PKIA: variants seen among roughly 807,000 people sequenced by gnomAD.
PKIA encodes PKI-alpha.
In PKIA, 4 loss-of-function variants were observed where a neutral mutation model predicts 7.6. The observed-to-expected ratio is 0.52, with a 90% CI of 0.26 to 1.20. The LOEUF (loss-of-function observed/expected upper bound fraction) is 1.20. Ranked by LOEUF, PKIA falls within the 50% of genes most tolerant of loss-of-function variation. The pLI is 0.13. For synonymous variants in PKIA, 21 were observed against 30.7 expected (o/e 0.68, Z 1.04); for missense variants, 73 against 86.2 (o/e 0.85, Z 0.61).
chr8:78,578,288 A>C (rs1807724434), intron 2 of PKIA, among the ~76,000 whole-genome samples: 1 of 151,990 alleles, frequency 6.6e-6, no homozygotes, highest in African/African-American at 2.4e-5. Flanking sequence ...GCCTATTTTT[A>C]AAATCTATTT....
At chr8:78,523,893 CATATTT>C (rs1471408426) in intron 1 of PKIA, among the ~76,000 whole-genome samples, 1 of 138,242 alleles carries the variant, frequency 7.2e-6, no homozygotes, top group Non-Finnish European at 1.5e-5. Context: ...AATATTTATA[CATATTT>C]ATATTTATAC....
intron 1 of PKIA, among the ~76,000 whole-genome samples, chr8:78,540,876 T>G (rs2118411135): frequency 6.6e-6 from 1 of 152,154 alleles, no homozygotes; most frequent in African/African-American, 2.4e-5. Flanking sequence ...CCTATATAAC[T>G]TTAATCTATT....
At chr8:78,595,904 T>G (rs1808216153) in intron 2 of PKIA, among the ~76,000 whole-genome samples, 1 of 152,214 alleles carries the variant, frequency 6.6e-6, no homozygotes. Flanking sequence ...ATGTGATTGC[T>G]GGGTCTAATG....
intron 2 of PKIA, among the ~76,000 whole-genome samples, chr8:78,582,829 T>C (rs16905809): frequency 0.013 from 2,016 of 152,248 alleles, 43 homozygotes; most frequent in African/African-American, 0.047. Flanking sequence ...AAGAGGGCGA[T>C]GATAAAGCAG....
intron 2 of PKIA, among the ~76,000 whole-genome samples, chr8:78,594,468 C>T (rs1291348886): frequency 6.6e-6 from 1 of 152,048 alleles, no homozygotes; most frequent in African/African-American, 2.4e-5. Context: ...GCTTGAAAGG[C>T]CTTTGAGAAA....
At position 78,605,102 on chromosome 8, in the gene PKIA, G is replaced by C. The variant is rs756343766; in HGVS notation, c.*3281G>C. 38 of 152,040 alleles carry C rather than the reference G, an allele frequency of 2.5e-4. No homozygotes were observed. Among genetic ancestry groups the C allele is most frequent in the Admixed American group, 8.5e-4 (13 of 15,236 alleles). The allele number at this position is 152,040 out of a possible 1,614,324, so 9.4% of individuals were successfully genotyped here. A position where few individuals can be genotyped will look rare whatever the true frequency, so the allele number is the denominator to read the frequency against. On this transcript the variant is annotated 3_prime_UTR_variant, in exon 4 of 4. Coordinates refer to ENST00000396418, the MANE Select transcript of PKIA (RefSeq NM_006823.4). Reference sequence around the variant, plus strand: ...AATGTGTAGTCATCAAGTGAAAATAGGAAAGGATCTATGATTTATGATGTC... The same window carrying C: ...AATGTGTAGTCATCAAGTGAAAATACGAAAGGATCTATGATTTATGATGTC...
At chr8:78,598,109 AATATTAAT>A (rs1411472128) in intron 2 of PKIA, among the ~76,000 whole-genome samples, 14 of 148,204 alleles carry the variant, frequency 9.4e-5, no homozygotes, top group African/African-American at 3.2e-4. Flanking sequence ...TATTACATTT[AATATTAAT>A]ATATTAATAT....
intron 2 of PKIA, among the ~76,000 whole-genome samples, chr8:78,596,728 A>G (rs372486417): frequency 2.6e-5 from 4 of 152,324 alleles, no homozygotes; most frequent in South Asian, 2.1e-4. Flanking sequence ...AGTCTTTGAC[A>G]TAAATTATTT....
At chr8:78,577,939 T>G (rs955775167) in intron 2 of PKIA, among the ~76,000 whole-genome samples, 2 of 151,974 alleles carry the variant, frequency 1.3e-5, no homozygotes, top group Non-Finnish European at 2.9e-5. Context: ...TATCTCTTAC[T>G]TTTTCCCCCT....
intron 2 of PKIA, among the ~76,000 whole-genome samples, chr8:78,573,396 C>G (rs1248683850): frequency 6.6e-6 from 1 of 151,908 alleles, no homozygotes; most frequent in Non-Finnish European, 1.5e-5. Context: ...CACTTCTCAT[C>G]TTGGTCTTGG....
chr8:78,530,601 T>C (rs1275759742), intron 1 of PKIA, among the ~76,000 whole-genome samples: 1 of 152,070 alleles, frequency 6.6e-6, no homozygotes, highest in Non-Finnish European at 1.5e-5. Context: ...AGAGTTGCAT[T>C]GCTTAAAAAA....
At chr8:78,541,943 G>A (rs1246432318) in intron 1 of PKIA, among the ~76,000 whole-genome samples, 2 of 151,956 alleles carry the variant, frequency 1.3e-5, no homozygotes, top group Non-Finnish European at 2.9e-5. Flanking sequence ...ACCAAGGTGG[G>A]TGGATTACTT....
intron 1 of PKIA, among the ~76,000 whole-genome samples, chr8:78,524,215 A>T (rs1326236112): frequency 7.5e-6 from 1 of 132,846 alleles, no homozygotes; most frequent in African/African-American, 3.1e-5. Context: ...TATATATATA[A>T]ACATTTATAT....
At chr8:78,586,618 G>C (rs1366674020) in intron 2 of PKIA, among the ~76,000 whole-genome samples, 1 of 152,144 alleles carries the variant, frequency 6.6e-6, no homozygotes, top group Non-Finnish European at 1.5e-5. Context: ...CTGCATAGGA[G>C]ATCATAATAT....
intron 2 of PKIA, among the ~76,000 whole-genome samples, chr8:78,585,678 T>G (rs916948230): frequency 6.6e-6 from 1 of 151,940 alleles, no homozygotes; most frequent in Non-Finnish European, 1.5e-5. Flanking sequence ...TAGCAACTGT[T>G]TTTCTTTTTG....
chr8:78,583,643 C>A (rs955192751), intron 2 of PKIA, among the ~76,000 whole-genome samples: 1 of 152,024 alleles, frequency 6.6e-6, no homozygotes. Context: ...TACTGTATAA[C>A]AGTAAGTCTA....
intron 2 of PKIA, among the ~76,000 whole-genome samples, chr8:78,593,267 C>G (rs946715675): frequency 3.9e-5 from 6 of 152,016 alleles, no homozygotes; most frequent in African/African-American, 9.7e-5. Flanking sequence ...AGATTACAGG[C>G]GTGCACCACT....
intron 1 of PKIA, among the ~76,000 whole-genome samples, chr8:78,566,778 G>A (rs541302250): frequency 2.0e-5 from 3 of 152,258 alleles, no homozygotes; most frequent in East Asian, 3.9e-4. Flanking sequence ...TACAACCAAT[G>A]TTTATGATAA....
intron 2 of PKIA, among the ~76,000 whole-genome samples, chr8:78,593,978 G>A (rs967327919): frequency 2.0e-5 from 3 of 152,122 alleles, no homozygotes; most frequent in African/African-American, 7.2e-5. Context: ...TTCCTCATTG[G>A]TCAGTTCTAT....
Sources: allele counts gnomAD v4.1 joint callset (sites outside exome capture counted in the v4.1 genomes callset), GRCh38; gene constraint gnomAD v4.1.1; transcripts MANE v1.5; gene names NCBI Gene and HGNC (gene_info 2026-07-23, HGNC 2026-07-21).